WDSUB1: variants seen among roughly 807,000 people sequenced by gnomAD.
WDSUB1 encodes the protein WD repeat, sterile alpha motif and U-box domain containing 1.
In WDSUB1, 49 loss-of-function variants were observed where a neutral mutation model predicts 53.9. The ratio of observed to expected loss-of-function variants is 0.91; its 90% CI spans 0.72 to 1.15. WDSUB1 has a LOEUF of 1.15. Ranked by LOEUF, WDSUB1 falls within the 50% of genes most tolerant of loss-of-function variation. The pLI is 0.00. For missense variants in WDSUB1, 514 were observed against 562.0 expected (o/e 0.91, Z 0.86); for synonymous variants, 194 against 200.6 (o/e 0.97, Z 0.28).
chr2:159,247,190 TTTTA>T (rs902281110), intron 10 of WDSUB1, among the ~76,000 whole-genome samples: 3 of 152,224 alleles, frequency 2.0e-5, no homozygotes, highest in African/African-American at 7.2e-5. Flanking sequence ...GCTAATTGAC[TTTTA>T]TTGAGTGTTT....
chr2:159,257,387 CTTT>C (rs11324351), intron 8 of WDSUB1, among the ~76,000 whole-genome samples: 8 of 139,736 alleles, frequency 5.7e-5, no homozygotes, highest in Non-Finnish European at 6.3e-5. Context: ...GATTTACTAA[CTTT>C]TTTTTTTTTT....
chr2:159,248,585 T>TACTACTAGG, intron 9 of WDSUB1, 73 bp from the exon 10 acceptor site: 2 of 1,395,244 alleles, frequency 1.4e-6, no homozygotes, highest in Non-Finnish European at 1.9e-6. Context: ...CAGTAATCCT[T>TACTACTAGG]ATTCACAAAT....
chr2:159,271,034 A>G (rs2061434625), intron 5 of WDSUB1, among the ~76,000 whole-genome samples: 1 of 152,248 alleles, frequency 6.6e-6, no homozygotes, highest in Admixed American at 6.5e-5. Context: ...GCAACACTAC[A>G]CACTCATCAG....
intron 3 of WDSUB1, among the ~76,000 whole-genome samples, chr2:159,276,494 G>T (rs1383840972): frequency 1.3e-5 from 2 of 152,148 alleles, no homozygotes; most frequent in Admixed American, 6.5e-5. Context: ...CACTCCATTT[G>T]GTTGAAAATA....
In WDSUB1 at chr2:159,259,840, T is replaced by C; in HGVS notation, c.774A>G (p.Ser258=). The change falls in exon 6 of 11, where the codon TCA becomes TCG. Residue 258 remains serine, a synonymous_variant. Coordinates refer to ENST00000359774, the MANE Select transcript of WDSUB1 (RefSeq NM_001128212.3). ...SHDGQMLVSG[S]VDKSVIVYDT... is the part of the protein sequence containing the mutation. Reference sequence around the variant, plus strand: ...CATATACTATGACAGACTTATCCACTGACCTTAAAAGAAAATAAATTATAG... The same window carrying C: ...CATATACTATGACAGACTTATCCACCGACCTTAAAAGAAAATAAATTATAG... 6.6e-7 allele frequency: 1 copy of C among 1,523,880 alleles called. No individual in the cohort carries two copies. Among genetic ancestry groups the C allele is most frequent in the Non-Finnish European group, 8.9e-7 (1 of 1,119,666 alleles). 94.4% of individuals were successfully genotyped at this position (1,523,880 alleles called of 1,614,324 possible).
In WDSUB1 at chr2:159,257,931, G is replaced by T. The variant is rs1230087850; in HGVS notation, c.845+14C>A. 1 of 1,612,700 alleles carries T rather than the reference G, an allele frequency of 6.2e-7. No individual in the cohort carries two copies. Among genetic ancestry groups the T allele is most frequent in the African/African-American group, 1.3e-5 (1 of 74,958 alleles). On this transcript the variant is annotated intron_variant, in intron 7 of 10. Coordinates refer to ENST00000359774, the MANE Select transcript of WDSUB1 (RefSeq NM_001128212.3). The stretch of plus-strand genomic sequence containing the variant: ...TTTAAATTATATTAATACAAGGTGA[G>T]GTTAAGTTCAGACCTGGTGTGCTGA...
At chr2:159,256,018 A>G (rs1051509657) in intron 9 of WDSUB1, among the ~76,000 whole-genome samples, 178 bp downstream of exon 9, 35 of 152,238 alleles carry the variant, frequency 2.3e-4, no homozygotes, top group Non-Finnish European at 4.4e-4. Flanking sequence ...TAGGTAAATG[A>G]AAATCAAAAC....
At chr2:159,265,157 T>C (rs2061314769) in intron 5 of WDSUB1, among the ~76,000 whole-genome samples, 2 of 151,604 alleles carry the variant, frequency 1.3e-5, no homozygotes, top group African/African-American at 2.4e-5. Flanking sequence ...CTGGGCCTGG[T>C]TGCACACACC....
chr2:159,264,178 GAA>G (rs10548416), intron 5 of WDSUB1, among the ~76,000 whole-genome samples: 4,335 of 152,244 alleles, frequency 0.028, 191 homozygotes, highest in African/African-American at 0.094. Context: ...CTAAAAACTT[GAA>G]AAGTGATGGT....
chr2:159,284,184 A>G (rs1002845595), intron 1 of WDSUB1, among the ~76,000 whole-genome samples: 3 of 152,154 alleles, frequency 2.0e-5, no homozygotes, highest in African/African-American at 4.8e-5. Flanking sequence ...AATCTATAAG[A>G]CTATAACCTC....
intron 3 of WDSUB1, among the ~76,000 whole-genome samples, chr2:159,277,540 GA>G: frequency 6.6e-6 from 1 of 152,042 alleles, no homozygotes; most frequent in Non-Finnish European, 1.5e-5. Context: ...TTTTCTTCAG[GA>G]AAAATATTTA....
At chr2:159,256,156 A>G (rs1030614249) in intron 9 of WDSUB1, 40 bp downstream of exon 9, 2 of 1,556,408 alleles carry the variant, frequency 1.3e-6, no homozygotes, top group African/African-American at 2.8e-5. Flanking sequence ...TAATTTGGTA[A>G]AAGTTGTTTT....
intron 2 of WDSUB1, 22 bp from the exon 3 acceptor site, chr2:159,279,967 G>A: frequency 6.3e-7 from 1 of 1,588,590 alleles, no homozygotes; most frequent in Non-Finnish European, 8.6e-7. Flanking sequence ...GCAAAAAGTG[G>A]GTTTTCATTT....
intron 10 of WDSUB1, among the ~76,000 whole-genome samples, chr2:159,245,519 C>G (rs1242051951): frequency 7.3e-6 from 1 of 137,388 alleles, no homozygotes; most frequent in East Asian, 2.1e-4. Flanking sequence ...GGCAACAGAG[C>G]AAGACTCTGT....
At chr2:159,283,181 A>T (rs2061711613) in intron 1 of WDSUB1, 88 bp from the exon 2 acceptor site, 1 of 1,165,084 alleles carries the variant, frequency 8.6e-7, no homozygotes, top group African/African-American at 1.6e-5. Flanking sequence ...AAATGTTTTA[A>T]TTTGCTCAAT....
intron 5 of WDSUB1, 147 bp from the exon 6 acceptor site, chr2:159,259,990 G>T: frequency 1.1e-6 from 1 of 947,178 alleles, no homozygotes; most frequent in Non-Finnish European, 1.5e-6. Flanking sequence ...TTGTTCATAT[G>T]CATGAAAACT....
intron 4 of WDSUB1, among the ~76,000 whole-genome samples, chr2:159,274,478 GA>G (rs1321611640): frequency 6.6e-6 from 1 of 152,136 alleles, no homozygotes; most frequent in Non-Finnish European, 1.5e-5. Context: ...CCTGAAAAGA[GA>G]AAAATGAACT....
intron 5 of WDSUB1, among the ~76,000 whole-genome samples, chr2:159,261,876 ATATATATATATATATATATATTTTTTTTT>A (rs2061212835): frequency 2.0e-4 from 3 of 14,668 alleles, no homozygotes; most frequent in Admixed American, 1.1e-3. Context: ...ATATATATAT[ATATATATATATATATATATATTTTTTTTT>A]TTTTTTTTTT....
chr2:159,269,825 T>TA, intron 5 of WDSUB1, among the ~76,000 whole-genome samples: 1 of 152,182 alleles, frequency 6.6e-6, no homozygotes, highest in Middle Eastern at 3.4e-3. Flanking sequence ...CTTGCATGAT[T>TA]AAAAAAATAA....
Sources: allele counts gnomAD v4.1 joint callset (sites outside exome capture counted in the v4.1 genomes callset), GRCh38; gene constraint gnomAD v4.1.1; transcripts MANE v1.5; gene names NCBI Gene and HGNC (gene_info 2026-07-23, HGNC 2026-07-21).